The following ARB2A variants were observed in gnomAD, a reference collection of about 807,000 sequenced individuals.
ARB2A encodes cotranscriptional regulator ARB2A.
At chr5:93,789,235 T>C in the ARB2A span, among the ~76,000 whole-genome samples, 1 of 152,208 alleles carries the variant, frequency 6.6e-6, no homozygotes, top group Non-Finnish European at 1.5e-5. Flanking sequence ...CAGGAAATAA[T>C]ATTCTGAAAA....
the ARB2A span, chr5:93,784,255 C>T: frequency 1.5e-6 from 1 of 663,002 alleles, no homozygotes; most frequent in Non-Finnish European, 2.7e-6. Flanking sequence ...CTAGCTTTTT[C>T]TATTTCCTCT....
chr5:93,867,623 G>A, the ARB2A span, among the ~76,000 whole-genome samples: 1 of 151,894 alleles, frequency 6.6e-6, no homozygotes, highest in African/African-American at 2.4e-5. Context: ...TCACCATGTT[G>A]GTCAGGATGG....
chr5:94,055,678 A>G, the ARB2A span: 559 of 985,206 alleles, frequency 5.7e-4, no homozygotes, highest in Non-Finnish European at 6.6e-4. Context: ...AAATCTTTTC[A>G]AAATAAAGAC....
the ARB2A span, among the ~76,000 whole-genome samples, chr5:94,004,998 C>CAAAAAAAAAAAAAAAAAAAAAA: frequency 8.8e-4 from 11 of 12,548 alleles, 2 homozygotes; most frequent in Admixed American, 2.2e-3. Context: ...ATTTTATCAG[C>CAAAAAAAAAAAAAAAAAAAAAA]AAAAAAAAAA....
chr5:93,724,010 C>A, the ARB2A span, among the ~76,000 whole-genome samples: 2 of 152,100 alleles, frequency 1.3e-5, no homozygotes, highest in African/African-American at 2.4e-5. Context: ...TAAATAGCTT[C>A]ACGTATAAGA....
chr5:94,031,121 T>C, the ARB2A span, among the ~76,000 whole-genome samples: 1 of 152,146 alleles, frequency 6.6e-6, no homozygotes, highest in Non-Finnish European at 1.5e-5. Context: ...CCTGAAAATA[T>C]GGAAGCAGCT....
At chr5:94,067,029 T>A in the ARB2A span, among the ~76,000 whole-genome samples, 340 of 152,244 alleles carry the variant, frequency 2.2e-3, no homozygotes, top group African/African-American at 7.8e-3. Context: ...GCAAGGATGG[T>A]TCAACATATG....
chr5:93,994,144 T>A, the ARB2A span, among the ~76,000 whole-genome samples: 1 of 152,138 alleles, frequency 6.6e-6, no homozygotes, highest in African/African-American at 2.4e-5. Flanking sequence ...TACTAAGTGA[T>A]CCAGCAATCC....
the ARB2A span, chr5:93,620,869 C>T: frequency 2.1e-5 from 29 of 1,411,064 alleles, no homozygotes; most frequent in Middle Eastern, 1.8e-4. Context: ...TATATCACGA[C>T]CCTGGGCTCT....
chr5:93,863,425 C>A, the ARB2A span: 2 of 150,780 alleles, frequency 1.3e-5, no homozygotes, highest in Admixed American at 1.3e-4. Context: ...AACTAATTAT[C>A]TATATATATA....
chr5:93,719,759 T>C, the ARB2A span, among the ~76,000 whole-genome samples: 1 of 152,172 alleles, frequency 6.6e-6, no homozygotes, highest in South Asian at 2.1e-4. Context: ...CAAATATCCA[T>C]CTACTATCTA....
At chr5:93,827,593 T>A in the ARB2A span, among the ~76,000 whole-genome samples, 1 of 152,124 alleles carries the variant, frequency 6.6e-6, no homozygotes, top group Admixed American at 6.5e-5. Context: ...AGAAGCTCTT[T>A]AGTTTCATTA....
the ARB2A span, among the ~76,000 whole-genome samples, chr5:93,833,916 T>C: frequency 1.3e-5 from 2 of 152,228 alleles, no homozygotes; most frequent in Non-Finnish European, 2.9e-5. Context: ...AGGTTTGAGA[T>C]AGGAATGATC....
chr5:93,655,769 A>G, the ARB2A span, among the ~76,000 whole-genome samples: 1 of 152,120 alleles, frequency 6.6e-6, no homozygotes, highest in African/African-American at 2.4e-5. Flanking sequence ...GGGACTAGAC[A>G]CCCTCAAAGT....
At chr5:93,776,170 C>T in the ARB2A span, 58 of 1,607,702 alleles carry the variant, frequency 3.6e-5, no homozygotes, top group Non-Finnish European at 4.6e-5. Context: ...TGCTGAGACC[C>T]GGGGGCAATC....
At chr5:94,012,209 T>C in the ARB2A span, among the ~76,000 whole-genome samples, 47 of 152,212 alleles carry the variant, frequency 3.1e-4, no homozygotes, top group Middle Eastern at 3.4e-3. Context: ...AAGACCATCC[T>C]GGCTAACACG....
At chr5:93,761,711 G>C in the ARB2A span, among the ~76,000 whole-genome samples, 2 of 152,210 alleles carry the variant, frequency 1.3e-5, no homozygotes, top group Non-Finnish European at 2.9e-5. Flanking sequence ...GAGAGTAGTG[G>C]TTCTCCCAGC....
chr5:93,761,851 G>A, the ARB2A span, among the ~76,000 whole-genome samples: 4 of 152,308 alleles, frequency 2.6e-5, no homozygotes, highest in South Asian at 2.1e-4. Flanking sequence ...ACTCCTCTGA[G>A]ACAAAACTTC....
the ARB2A span, among the ~76,000 whole-genome samples, chr5:93,797,927 G>C: frequency 1.6e-4 from 25 of 152,006 alleles, no homozygotes; most frequent in African/African-American, 5.5e-4. Flanking sequence ...AAGGATGGCG[G>C]TTAAATATCA....
Sources: gnomAD v4.1 joint callset for allele counts (sites outside exome capture counted in the v4.1 genomes callset) on GRCh38, gnomAD v4.1.1 for gene constraint, MANE v1.5 for transcripts, NCBI Gene and HGNC (gene_info 2026-07-23, HGNC 2026-07-21) for gene names.